The following SYNGR1 variants were observed in gnomAD, a reference collection of about 807,000 sequenced individuals.
SYNGR1 encodes synaptogyrin-1.
In SYNGR1, 14 loss-of-function variants were observed where a neutral mutation model predicts 26.1. The observed-to-expected ratio is 0.54, with a 90% CI of 0.35 to 0.84. The LOEUF is 0.84. SYNGR1 is among the 40% of genes least tolerant of loss of function. The pLI is 0.01. For synonymous variants in SYNGR1, 141 were observed against 150.1 expected (o/e 0.94, Z 0.44); for missense variants, 319 against 332.9 (o/e 0.96, Z 0.33).
chr22:39,363,754 G>A (rs1924600565), intron 1 of SYNGR1, among the ~76,000 whole-genome samples: 1 of 152,064 alleles, frequency 6.6e-6, no homozygotes, highest in African/African-American at 2.4e-5. Context: ...CAGGCACCTG[G>A]ACATGGGCAG....
chr22:39,367,661 A>G (rs1343675935), intron 1 of SYNGR1, among the ~76,000 whole-genome samples: 1 of 151,986 alleles, frequency 6.6e-6, no homozygotes, highest in Non-Finnish European at 1.5e-5. Context: ...CGTCTCTGCT[A>G]AAAATACAAA....
At chr22:39,358,453 A>T (rs947251757) in intron 1 of SYNGR1, among the ~76,000 whole-genome samples, 1 of 151,954 alleles carries the variant, frequency 6.6e-6, no homozygotes, top group Non-Finnish European at 1.5e-5. Flanking sequence ...GCTACTGCTC[A>T]CTCTTTGGGT....
At chr22:39,359,347 C>T (rs560378439) in intron 1 of SYNGR1, among the ~76,000 whole-genome samples, 189 of 152,164 alleles carry the variant, frequency 1.2e-3, no homozygotes, top group African/African-American at 4.4e-3. Flanking sequence ...CCAGGCCGGG[C>T]ACGGTGGCTC....
chr22:39,379,577 T>G (rs1925427440), intron 3 of SYNGR1: 1 of 144,418 alleles, frequency 6.9e-6, no homozygotes, highest in South Asian at 2.2e-4. Context: ...GATGTTGCAG[T>G]GAGCCAAGGT....
intron 1 of SYNGR1, among the ~76,000 whole-genome samples, chr22:39,357,626 TCGGAGCAGCCGGCCAGCCC>T (rs1924209449): frequency 8.6e-6 from 1 of 116,268 alleles, no homozygotes; most frequent in Admixed American, 8.4e-5. Flanking sequence ...GGCCCCGCCC[TCGGAGCAGCCGGCCAGCCC>T]TGCTGGCCCC....
At chr22:39,358,884 C>T (rs1924317912) in intron 1 of SYNGR1, among the ~76,000 whole-genome samples, 2 of 152,226 alleles carry the variant, frequency 1.3e-5, no homozygotes, top group Admixed American at 6.5e-5. Flanking sequence ...GAGTTTTGCT[C>T]ATCTCCCCGC....
chr22:39,375,869 G>A, intron 2 of SYNGR1, 183 bp from the exon 3 acceptor site: 1 of 805,890 alleles, frequency 1.2e-6, no homozygotes, highest in Admixed American at 1.9e-5. Context: ...CTTCTCGCCT[G>A]CATCTTCTCT....
At chr22:39,355,012 G>A (rs1400342375) in intron 1 of SYNGR1, among the ~76,000 whole-genome samples, 1 of 152,210 alleles carries the variant, frequency 6.6e-6, no homozygotes, top group East Asian at 1.9e-4. Flanking sequence ...CCTCTGGCCA[G>A]TTCTGATGTT....
intron 3 of SYNGR1, chr22:39,378,235 G>A (rs56147213): frequency 0.018 from 18,649 of 1,035,806 alleles, 187 homozygotes; most frequent in Middle Eastern, 0.044. Context: ...TGACAAACCC[G>A]TGCACCTCTC....
chr22:39,352,819 G>A (rs1161246328), intron 1 of SYNGR1, among the ~76,000 whole-genome samples: 1 of 152,156 alleles, frequency 6.6e-6, no homozygotes, highest in African/African-American at 2.4e-5. Flanking sequence ...CCCTACCACA[G>A]CCCTGGAGGG....
rs1925239048 is a variant in SYNGR1 at position 39,375,531 on chromosome 22, G to A, written c.338-521G>A. The A allele has an allele frequency of 2.0e-5, 5 of 248,046 alleles. No individual in the cohort carries two copies. In the Admixed American group the frequency reaches 2.5e-4, roughly 12 times the overall value. The allele number at this position is 248,046 out of a possible 1,614,324, so 15.4% of individuals were successfully genotyped here. ...TCTGTGGGGTCGCAGCACGTTAGAAGTCGAAGCCCAGACCCACCCAGCCAA... is the reference window on the plus strand; with the variant it reads ...TCTGTGGGGTCGCAGCACGTTAGAAATCGAAGCCCAGACCCACCCAGCCAA... On this transcript the variant is annotated intron_variant, in intron 2 of 3. Coordinates refer to ENST00000328933, the MANE Select transcript of SYNGR1 (RefSeq NM_004711.5).
chr22:39,352,052 C>T (rs895372408), intron 1 of SYNGR1, among the ~76,000 whole-genome samples: 2 of 152,210 alleles, frequency 1.3e-5, no homozygotes, highest in Non-Finnish European at 2.9e-5. Context: ...GCTCAGCGAG[C>T]GAGGCCAAGT....
chr22:39,374,735 G>T, intron 2 of SYNGR1, 182 bp downstream of exon 2: 1 of 677,828 alleles, frequency 1.5e-6, no homozygotes, highest in Non-Finnish European at 2.5e-6. Context: ...ACAGGGCCTG[G>T]GACCCCAAAA....
chr22:39,375,274 A>G (rs1243039698), intron 2 of SYNGR1: 1 of 156,206 alleles, frequency 6.4e-6, no homozygotes, highest in Non-Finnish European at 1.4e-5. Context: ...GAACTAAATG[A>G]ATGGTTCTCA....
Position 39,385,070 on chromosome 22 carries a change from G to C in SYNGR1, c.*3156G>C, listed in dbSNP as rs1925616794. The C allele has an allele frequency of 5.0e-6, 2 of 398,816 alleles. No individual in the cohort carries two copies. The highest frequency in any genetic ancestry group is 4.4e-5 in the Admixed American group (1 of 22,738). The allele number at this position is 398,816 out of a possible 1,614,324, so 24.7% of individuals were successfully genotyped here. A position where few individuals can be genotyped will look rare whatever the true frequency, so the allele number is the denominator to read the frequency against. On this transcript the variant is annotated 3_prime_UTR_variant, in exon 4 of 4. Coordinates refer to ENST00000328933, the MANE Select transcript of SYNGR1 (RefSeq NM_004711.5). Reference sequence around the variant, plus strand: ...ATCTTCAAAGCCTCGGGGATCCCAGGTTTCCCCATGTAACTGAGACACCCT... The same window carrying C: ...ATCTTCAAAGCCTCGGGGATCCCAGCTTTCCCCATGTAACTGAGACACCCT...
At chr22:39,376,759 T>A (rs944928744) in intron 3 of SYNGR1, among the ~76,000 whole-genome samples, 1 of 139,848 alleles carries the variant, frequency 7.2e-6, no homozygotes, top group Non-Finnish European at 1.5e-5. Context: ...TGCGTGCCTA[T>A]CCTAAGTCCT....
In SYNGR1 at chr22:39,374,528, C is replaced by T. The variant is rs756458157; in HGVS notation, c.312C>T (p.Ala104=). 32 of 1,613,560 alleles carry T rather than the reference C, an allele frequency of 2.0e-5. No individual in the cohort carries two copies. The highest frequency in any genetic ancestry group is 4.0e-5 in the African/African-American group (3 of 75,040). The change falls in exon 2 of 4, where the codon GCC becomes GCT. Residue 104 remains alanine (A), a synonymous_variant. Coordinates refer to ENST00000328933, the MANE Select transcript of SYNGR1 (RefSeq NM_004711.5). ...QISSVKDRKK[A]VLSDIGVSAF... ...GCAGCGTCAAGGACCGCAAGAAAGC[C>T]GTCCTGTCCGACATCGGTGTCTCGG... is the stretch of plus-strand genomic sequence containing the variant.
intron 3 of SYNGR1, 131 bp downstream of exon 3, chr22:39,376,328 G>A: frequency 6.7e-7 from 1 of 1,486,096 alleles, no homozygotes. Context: ...TCCCTCTTCT[G>A]CCTGCCTGTC....
chr22:39,356,579 G>A lies in SYNGR1; in HGVS notation c.99+6470G>A, dbSNP rs1924154246. ...CCCAGGGAGAAAAAACAGAGGCTGG[G>A]AGAGGAAGGGAAGAGAGGAGGAGAA... On this transcript the variant is annotated intron_variant, in intron 1 of 3. Transcript: ENST00000328933. Among the ~76,000 whole-genome samples, 2 of 152,178 alleles carry A rather than the reference G, an allele frequency of 1.3e-5. 1 individual carries two copies. The highest frequency in any genetic ancestry group is 4.1e-4 in the South Asian group (2 of 4,822).
Sources: allele counts gnomAD v4.1 joint callset (sites outside exome capture counted in the v4.1 genomes callset), GRCh38; gene constraint gnomAD v4.1.1; transcripts MANE v1.5; gene names NCBI Gene and HGNC (gene_info 2026-07-23, HGNC 2026-07-21).